PTPRN2: variants seen among roughly 807,000 people sequenced by gnomAD.
PTPRN2 encodes receptor-type tyrosine-protein phosphatase N2.
Under a neutral mutation model 118.8 loss-of-function variants are expected in PTPRN2, and 74 were observed. That is an observed-to-expected ratio of 0.62 (90% CI 0.52 to 0.76). The LOEUF (loss-of-function observed/expected upper bound fraction) is 0.76. Ranked by LOEUF, PTPRN2 falls within the 30% of genes least tolerant of loss-of-function variation. The pLI is 0.00. For missense variants in PTPRN2, 1,481 were observed against 1,394.4 expected, an observed-to-expected ratio of 1.06 and a Z score of -0.99; for synonymous variants, 641 against 608.0, an observed-to-expected ratio of 1.05 and a Z score of -0.80.
chr7:157,700,785 C>T (rs772572385), intron 12 of PTPRN2, among the ~76,000 whole-genome samples: 2 of 152,206 alleles, frequency 1.3e-5, no homozygotes, highest in Admixed American at 6.5e-5. Context: ...GCCTTCCCCA[C>T]ACCAGGAGCC....
Position 157,615,449 on chromosome 7 carries a change from GC to G in PTPRN2, c.2344+5912del, listed in dbSNP as rs1563265308. 2.1e-6 allele frequency: 1 copy of G among 471,182 alleles called. No individual in the cohort carries two copies. The allele number at this position is 471,182 out of a possible 1,614,324, so 29.2% of individuals were successfully genotyped here. A position where few individuals can be genotyped will look rare whatever the true frequency, so the allele number is the denominator to read the frequency against. On this transcript the variant is annotated intron_variant, in intron 15 of 22. Coordinates refer to ENST00000389418, the MANE Select transcript of PTPRN2 (RefSeq NM_002847.5). The surrounding 1 kb of genome is among the most constrained non-coding windows in gnomAD (Gnocchi z 4.3). ...TTCGAGGATGAAAAGGAGGTGTTTA[GC>G]CCCGAGCCTCACGTGGAAACATCTG... is the stretch of plus-strand genomic sequence containing the variant.
chr7:158,340,526 C>A (rs182046026), intron 2 of PTPRN2, among the ~76,000 whole-genome samples: 7 of 127,926 alleles, frequency 5.5e-5, no homozygotes, highest in African/African-American at 1.7e-4. Context: ...CACATTCTCA[C>A]CATAAGAGCT....
chr7:157,580,348 C>G (rs2150531385), intron 17 of PTPRN2, among the ~76,000 whole-genome samples: 1 of 152,200 alleles, frequency 6.6e-6, no homozygotes, highest in East Asian at 1.9e-4. Flanking sequence ...TGCCTGAATT[C>G]CAGAAATGAC....
At chr7:158,085,598 A>G (rs1469313758) in intron 10 of PTPRN2, among the ~76,000 whole-genome samples, 1 of 96,552 alleles carries the variant, frequency 1.0e-5, no homozygotes, top group Admixed American at 1.2e-4. Context: ...CCAGATACCC[A>G]TCCACACCCA....
At chr7:157,820,777 G>A (rs554355845) in intron 12 of PTPRN2, among the ~76,000 whole-genome samples, 63 of 152,348 alleles carry the variant, frequency 4.1e-4, no homozygotes, top group African/African-American at 1.5e-3. Context: ...CAAAACCCAT[G>A]AGAATGATCT....
At chr7:157,901,762 G>T (rs10228752) in intron 11 of PTPRN2, among the ~76,000 whole-genome samples, 5,117 of 26,208 alleles carry the variant, frequency 0.2, 287 homozygotes, top group East Asian at 0.3. Flanking sequence ...CGTGTTTCCT[G>T]GGTCCTGAGG....
intron 1 of PTPRN2, among the ~76,000 whole-genome samples, chr7:158,562,426 C>A (rs1040242636): frequency 2.0e-5 from 3 of 152,116 alleles, no homozygotes; most frequent in Non-Finnish European, 2.9e-5. Context: ...GGGACAAACA[C>A]CCAGACCAGA....
intron 11 of PTPRN2, among the ~76,000 whole-genome samples, chr7:158,048,269 C>T (rs1483608680): frequency 6.6e-6 from 1 of 152,066 alleles, no homozygotes; most frequent in East Asian, 1.9e-4. Context: ...AGAAACTCTC[C>T]TTATCTTACA....
At chr7:157,696,715 G>A (rs1317261756) in intron 12 of PTPRN2, among the ~76,000 whole-genome samples, 9 of 121,978 alleles carry the variant, frequency 7.4e-5, no homozygotes, top group South Asian at 2.8e-4. Context: ...TGCATACTGG[G>A]TCTTAGCAGA....
Position 158,075,127 on chromosome 7 carries a change from G to A in PTPRN2, c.1723+6171C>T, listed in dbSNP as rs188759525. Among the ~76,000 whole-genome samples the A allele has an allele frequency of 5.1e-3, 783 of 152,284 alleles. 8 individuals carry two copies. Among genetic ancestry groups the A allele is most frequent in the African/African-American group, 0.018 (745 of 41,552 alleles). ...ATGGGTGGCCTCTGTCCTCGCAGCC[G>A]GGAAGGTCAGCACAGGTCCTGGGTG... On this transcript the variant is annotated intron_variant, in intron 11 of 22. Coordinates refer to ENST00000389418, the MANE Select transcript of PTPRN2 (RefSeq NM_002847.5).
At chr7:158,115,384 G>A (rs1186495014) in intron 9 of PTPRN2, among the ~76,000 whole-genome samples, 4 of 152,118 alleles carry the variant, frequency 2.6e-5, no homozygotes, top group Non-Finnish European at 5.9e-5. Flanking sequence ...GTTCAGAACT[G>A]TGAGTGAGAA....
chr7:157,615,542 G>T lies in PTPRN2; in HGVS notation c.2344+5820C>A, dbSNP rs1182102656. ...GGTGACCCCATCGCAAGGCCGGGCC[G>T]TGGAAACAATCTCAGCCCTGGAACC... On this transcript the variant is annotated intron_variant, in intron 15 of 22. Coordinates refer to ENST00000389418, the MANE Select transcript of PTPRN2 (RefSeq NM_002847.5). This position sits in a 1 kb window ranked among gnomAD's most constrained non-coding sequence, Gnocchi z 4.3. 2.1e-6 allele frequency: 1 copy of T among 471,142 alleles called. No individual in the cohort carries two copies. Among genetic ancestry groups the T allele is most frequent in the Non-Finnish European group, 4.4e-6 (1 of 227,090 alleles). 29.2% of individuals were successfully genotyped at this position (471,142 alleles called of 1,614,324 possible). A position where few individuals can be genotyped will look rare whatever the true frequency, so the allele number is the denominator to read the frequency against.
Position 158,369,082 on chromosome 7 carries a change from G to C in PTPRN2, c.164-52150C>G, listed in dbSNP as rs890575313. On this transcript the variant is annotated intron_variant, in intron 2 of 22. Coordinates refer to ENST00000389418, the MANE Select transcript of PTPRN2 (RefSeq NM_002847.5). ...CAGGCAGAATATCGTGACAAGACTA[G>C]ACTGGCCTAGCCTCCCAGCCTACAT... 2.0e-5 allele frequency among the ~76,000 whole-genome samples: 3 copies of C among 152,134 alleles called. No homozygotes were observed. The South Asian group carries it at 6.2e-4, about 32-fold the overall frequency.
chr7:158,151,506 T>TCTATTCCTGCCTCTCC (rs1441338511), intron 6 of PTPRN2, among the ~76,000 whole-genome samples: 1 of 147,838 alleles, frequency 6.8e-6, no homozygotes, highest in Admixed American at 6.8e-5. Context: ...CGCCCGCCTT[T>TCTATTCCTGCCTCTCC]CTGCTCCTCA....
intron 2 of PTPRN2, among the ~76,000 whole-genome samples, chr7:158,387,560 G>A (rs929462791): frequency 5.8e-3 from 885 of 151,572 alleles, no homozygotes; most frequent in African/African-American, 0.02. Context: ...AGGGGGCTGC[G>A]GCATCCCTGT....
At chr7:158,333,771 A>G (rs12539941) in intron 2 of PTPRN2, among the ~76,000 whole-genome samples, 51,677 of 114,136 alleles carry the variant, frequency 0.45, 7,494 homozygotes, top group African/African-American at 0.51. Flanking sequence ...ACCCGCAGAC[A>G]TCACTCACAC....
chr7:157,988,919 A>G (rs1022755754), intron 11 of PTPRN2, among the ~76,000 whole-genome samples: 3 of 152,228 alleles, frequency 2.0e-5, no homozygotes, highest in Admixed American at 2.0e-4. Context: ...GAGGAAAATC[A>G]GGGACACCCT....
intron 17 of PTPRN2, among the ~76,000 whole-genome samples, chr7:157,579,805 A>C (rs1317868199): frequency 6.6e-6 from 1 of 152,192 alleles, no homozygotes; most frequent in Non-Finnish European, 1.5e-5. Context: ...AAAAGCAGAG[A>C]GGGGAATTTA....
chr7:158,366,200 G>GCA lies in PTPRN2; in HGVS notation c.164-49270_164-49269dup, dbSNP rs549641502. ...TGCAGCCCAATGCACGTGTGCAAAT[G>GCA]CACACACACACACAGCATCCCTAGA... is the stretch of plus-strand genomic sequence containing the variant. On this transcript the variant is annotated intron_variant, in intron 2 of 22. Transcript: ENST00000389418. Among the ~76,000 whole-genome samples the GCA allele has an allele frequency of 3.3e-3, 383 of 115,312 alleles. 14 individuals carry two copies. The highest frequency in any genetic ancestry group is 0.023 in the Middle Eastern group (3 of 128). 75.6% of individuals were successfully genotyped at this position (115,312 alleles called of 152,430 possible).
Sources: allele counts gnomAD v4.1 joint callset (sites outside exome capture counted in the v4.1 genomes callset), GRCh38; gene constraint gnomAD v4.1.1; non-coding constraint Gnocchi (gnomAD v3.1); transcripts MANE v1.5; gene names NCBI Gene and HGNC (gene_info 2026-07-23, HGNC 2026-07-21).